Variants in AKR1D1 observed in about 807,000 individuals in gnomAD.
The protein encoded by AKR1D1 is aldo-keto reductase family 1 member D1, also known as delta(4)-3-ketosteroid 5-beta-reductase.
AKR1D1 carries 32 observed loss-of-function variants against 42.6 expected under a neutral mutation model. That is an observed-to-expected ratio of 0.75 (90% CI 0.57 to 1.01). The LOEUF is 1.01. Among genes scored for constraint, AKR1D1 ranks in the 50% least tolerant of loss-of-function variants. The pLI is 0.00. For synonymous variants in AKR1D1, 123 were observed against 135.5 expected (o/e 0.91, Z 0.64); for missense variants, 364 against 402.2 (o/e 0.91, Z 0.81).
At position 138,105,368 on chromosome 7, in the gene AKR1D1, G is replaced by T. The variant is rs778168706; in HGVS notation, c.518G>T (p.Arg173Leu). 6.2e-7 allele frequency: 1 copy of T among 1,614,042 alleles called. No homozygotes were observed. Among genetic ancestry groups the T allele is most frequent in the South Asian group, 1.1e-5 (1 of 91,076 alleles). ...TCCCTGGGAGTGTCCAATTTTAACCGCAGGCAGCTGGAGCTCATCCTGAAC... is the reference window on the plus strand; with the variant it reads ...TCCCTGGGAGTGTCCAATTTTAACCTCAGGCAGCTGGAGCTCATCCTGAAC... ...VKSLGVSNFNRRQLELILNKP... is the reference protein window; with the variant it reads ...VKSLGVSNFNLRQLELILNKP... Residue 173 changes from arginine (R) to leucine (L), a missense_variant, in exon 5 of 9, where the codon CGC becomes CTC. By Grantham distance (102) the Arg-to-Leu change is moderately radical (BLOSUM62 -2). Transcript: ENST00000242375.
intron 1 of AKR1D1, among the ~76,000 whole-genome samples, chr7:138,080,160 T>C (rs1000566502): frequency 6.6e-6 from 1 of 152,214 alleles, no homozygotes; most frequent in Non-Finnish European, 1.5e-5. Flanking sequence ...GCTTCCTTCT[T>C]AATGCTTTTC....
chr7:138,106,659 C>A lies in AKR1D1; in HGVS notation c.631C>A (p.Gln211Lys), dbSNP rs1287602557. 3.1e-6 allele frequency: 5 copies of A among 1,614,002 alleles called. No homozygotes were observed. The highest frequency in any genetic ancestry group is 2.2e-5 in the East Asian group (1 of 44,888). ...GCCAAAACTCTTGAAATTTTGCCAA[C>A]AACATGACATTGTCATTACTGCATA... is the stretch of plus-strand genomic sequence containing the variant. The part of the protein sequence containing the change: ...TQPKLLKFCQ[Q>K]HDIVITAYSP... The change falls in exon 6 of 9, where the codon CAA becomes AAA. Residue 211 changes from glutamine (Q) to lysine (K), a missense_variant. Physicochemically the swap from Gln to Lys is moderately conservative, Grantham distance 53. Coordinates refer to ENST00000242375, the MANE Select transcript of AKR1D1 (RefSeq NM_005989.4).
At chr7:138,101,379 T>C (rs1794316629) in intron 4 of AKR1D1, among the ~76,000 whole-genome samples, 1 of 152,078 alleles carries the variant, frequency 6.6e-6, no homozygotes, top group African/African-American at 2.4e-5. Context: ...TTTGTATTTT[T>C]AGTAGACATG....
chr7:138,092,584 A>G (rs1289459796), intron 3 of AKR1D1, among the ~76,000 whole-genome samples: 1 of 152,220 alleles, frequency 6.6e-6, no homozygotes, highest in Non-Finnish European at 1.5e-5. Flanking sequence ...AACATGAATA[A>G]AACGCAAACA....
chr7:138,084,256 CTTTTT>C (rs34809975), intron 1 of AKR1D1, among the ~76,000 whole-genome samples: 17 of 134,714 alleles, frequency 1.3e-4, no homozygotes, highest in African/African-American at 4.7e-4. Context: ...TTTAATCTAG[CTTTTT>C]TTTTTTTTTT....
chr7:138,114,831 T>C (rs1562940137), intron 8 of AKR1D1, among the ~76,000 whole-genome samples: 1 of 152,124 alleles, frequency 6.6e-6, no homozygotes, highest in Non-Finnish European at 1.5e-5. Context: ...TCATCTTGAA[T>C]CTTTAAGTGA....
intron 1 of AKR1D1, among the ~76,000 whole-genome samples, chr7:138,084,557 C>T (rs932104869): frequency 6.6e-6 from 1 of 152,100 alleles, no homozygotes; most frequent in Non-Finnish European, 1.5e-5. Context: ...GAAGGAGATG[C>T]TGTCAGCCAT....
chr7:138,083,384 G>T (rs1263945899), intron 1 of AKR1D1, among the ~76,000 whole-genome samples: 1 of 152,052 alleles, frequency 6.6e-6, no homozygotes, highest in Non-Finnish European at 1.5e-5. Context: ...TTTTAATCAG[G>T]TTAGGTTTTT....
chr7:138,089,489 A>G (rs10257928), intron 2 of AKR1D1, among the ~76,000 whole-genome samples: 9,808 of 151,980 alleles, frequency 0.065, 1,054 homozygotes, highest in African/African-American at 0.22. Context: ...CCAGCTATGT[A>G]GGCTTCCTGG....
chr7:138,103,302 G>T (rs890035571), intron 4 of AKR1D1, among the ~76,000 whole-genome samples: 5 of 151,964 alleles, frequency 3.3e-5, no homozygotes, highest in Non-Finnish European at 5.9e-5. Context: ...AAAATATTAA[G>T]ATCAAATAAT....
chr7:138,076,938 TATGAG>T (rs1352599263), intron 1 of AKR1D1, among the ~76,000 whole-genome samples: 1 of 152,162 alleles, frequency 6.6e-6, no homozygotes, highest in African/African-American at 2.4e-5. Flanking sequence ...GTTTTTTTTA[TATGAG>T]ATAATTTTTA....
chr7:138,112,242 G>A (rs1794550121), intron 7 of AKR1D1, among the ~76,000 whole-genome samples: 1 of 152,128 alleles, frequency 6.6e-6, no homozygotes, highest in Non-Finnish European at 1.5e-5. Flanking sequence ...AGAAGTCTGA[G>A]TAAGGATTCA....
intron 3 of AKR1D1, 29 bp from the exon 4 acceptor site, chr7:138,097,837 T>G: frequency 6.8e-7 from 1 of 1,473,940 alleles, no homozygotes; most frequent in Non-Finnish European, 9.3e-7. Context: ...TAAAATGAAT[T>G]ACATTTATTC....
At chr7:138,079,128 G>A (rs189221844) in intron 1 of AKR1D1, among the ~76,000 whole-genome samples, 10 of 152,144 alleles carry the variant, frequency 6.6e-5, no homozygotes, top group Non-Finnish European at 1.3e-4. Context: ...CATGACACCC[G>A]GCCCTAAACA....
At position 138,110,169 on chromosome 7, in the gene AKR1D1, T is replaced by C. The variant is rs1794510587; in HGVS notation, c.855+2589T>C. ...GGAGCAACAAAATAATAAATTATGC[T>C]CTCTTAGAATGAAGGTAAAATAAAC... On this transcript the variant is annotated intron_variant, in intron 7 of 8. Coordinates refer to ENST00000242375, the MANE Select transcript of AKR1D1 (RefSeq NM_005989.4). 1.3e-5 allele frequency among the ~76,000 whole-genome samples: 2 copies of C among 151,610 alleles called. 1 individual carries two copies. The highest frequency in any genetic ancestry group is 4.2e-4 in the South Asian group (2 of 4,812).
At chr7:138,093,080 T>G (rs1316220702) in intron 3 of AKR1D1, among the ~76,000 whole-genome samples, 3 of 151,848 alleles carry the variant, frequency 2.0e-5, no homozygotes, top group African/African-American at 4.8e-5. Context: ...ACTTTTTTTT[T>G]TTTTTTTGAG....
chr7:138,095,970 G>T (rs1794175800), intron 3 of AKR1D1, among the ~76,000 whole-genome samples: 2 of 151,780 alleles, frequency 1.3e-5, no homozygotes, highest in South Asian at 4.2e-4. Flanking sequence ...GGAGGCCAAG[G>T]CAGGTGGATC....
At chr7:138,101,412 C>A (rs1794317220) in intron 4 of AKR1D1, among the ~76,000 whole-genome samples, 1 of 151,782 alleles carries the variant, frequency 6.6e-6, no homozygotes, top group South Asian at 2.1e-4. Context: ...GTTGGTCAGG[C>A]TGGTCTCGAA....
chr7:138,104,517 G>A (rs1481455630), intron 4 of AKR1D1, among the ~76,000 whole-genome samples: 1 of 151,972 alleles, frequency 6.6e-6, no homozygotes, highest in Non-Finnish European at 1.5e-5. Context: ...AACCAACATG[G>A]TGAAACTCCA....
Sources: gnomAD v4.1 joint callset for allele counts (sites outside exome capture counted in the v4.1 genomes callset) on GRCh38, gnomAD v4.1.1 for gene constraint, MANE v1.5 for transcripts, NCBI Gene and HGNC (gene_info 2026-07-23, HGNC 2026-07-21) for gene names.